The following ADAMTSL2 variants were observed in gnomAD, a reference collection of about 807,000 sequenced individuals.
ADAMTSL2 encodes the protein ADAMTS-like protein 2.
In ADAMTSL2, 55 loss-of-function variants were observed where a neutral mutation model predicts 117.0. The ratio of observed to expected loss-of-function variants is 0.47; its 90% CI spans 0.38 to 0.59. ADAMTSL2 has a LOEUF of 0.59. Ranked by LOEUF, ADAMTSL2 falls within the 20% of genes least tolerant of loss-of-function variation. The probability of loss-of-function intolerance (pLI) is 0.00; values close to 1 mark genes in which losing one functional copy is unlikely to be tolerated. For synonymous variants in ADAMTSL2, 572 were observed against 566.4 expected (o/e 1.01, Z -0.14); for missense variants, 1,182 against 1,354.5 (o/e 0.87, Z 2.00).
Position 133,554,592 on chromosome 9 carries a change from A to C in ADAMTSL2, c.1175A>C (p.Asp392Ala). ...CGGCTGTTCGGCCACCCGGGCCTGGACATGGAGCTGGGCCCCAGCCAGGGC... is the reference window on the plus strand; with the variant it reads ...CGGCTGTTCGGCCACCCGGGCCTGGCCATGGAGCTGGGCCCCAGCCAGGGC... Reference protein sequence around the residue: ...DNRLFGHPGLDMELGPSQGQE... With the variant: ...DNRLFGHPGLAMELGPSQGQE... Residue 392 changes from aspartate to alanine, a missense_variant, in exon 10 of 19, where the codon GAC becomes GCC. By Grantham distance (126) the Asp-to-Ala change is moderately radical (BLOSUM62 -2). Transcript: ENST00000651351. This position sits in a 1 kb window ranked among gnomAD's most constrained non-coding sequence, Gnocchi z 5.2. The C allele has an allele frequency of 6.5e-7, 1 of 1,548,740 alleles. No homozygotes were observed. The highest frequency in any genetic ancestry group is 1.4e-5 in the African/African-American group (1 of 73,490).
At chr9:133,547,858 G>A (rs10117727) in intron 9 of ADAMTSL2, among the ~76,000 whole-genome samples, 128,166 of 151,848 alleles carry the variant, frequency 0.84, 54,865 homozygotes, top group Non-Finnish European at 0.92. Context: ...CCGAGCAGTG[G>A]GCAGGAGGGA....
chr9:133,563,859 G>A (rs1205117366), intron 12 of ADAMTSL2, among the ~76,000 whole-genome samples: 4 of 77,694 alleles, frequency 5.1e-5, no homozygotes, highest in Non-Finnish European at 5.5e-5. Flanking sequence ...GAGAGAGAGA[G>A]AGAGGGAGAG....
intron 4 of ADAMTSL2, 102 bp from the exon 5 acceptor site, chr9:133,539,669 T>TCCCGGCTGG: frequency 1.7e-6 from 2 of 1,199,732 alleles, no homozygotes; most frequent in Admixed American, 2.0e-5. Flanking sequence ...GTCCCGGCTG[T>TCCCGGCTGG]CCCGGCTGTC....
chr9:133,532,405 C>T (rs1356701907), upstream of ADAMTSL2: 2 of 152,210 alleles, frequency 1.3e-5, no homozygotes, highest in African/African-American at 4.8e-5. Context: ...CCATGTTGGC[C>T]ATGCTGGTCT....
At chr9:133,564,643 A>G (rs1197568032) in intron 12 of ADAMTSL2, among the ~76,000 whole-genome samples, 1 of 83,174 alleles carries the variant, frequency 1.2e-5, no homozygotes, top group Non-Finnish European at 2.5e-5. Flanking sequence ...AGAGAGAGGG[A>G]GAGAGGGAGA....
intron 17 of ADAMTSL2, among the ~76,000 whole-genome samples, chr9:133,573,536 C>T (rs2131191531): frequency 6.6e-6 from 1 of 152,208 alleles, no homozygotes; most frequent in East Asian, 1.9e-4. Flanking sequence ...TGCCTGGACC[C>T]CCTGGGAAAT....
At position 133,558,772 on chromosome 9, in the gene ADAMTSL2, G is replaced by T. The variant is rs896136839; in HGVS notation, c.1650-2426G>T. ...TTCCTTCCAGATGGAGGAGAGCGAC[G>T]GTTTGGTGCTTCAGCGATTTCCTTG... On this transcript the variant is annotated intron_variant, in intron 11 of 18. Coordinates refer to ENST00000651351, the MANE Select transcript of ADAMTSL2 (RefSeq NM_014694.4). The surrounding 1 kb of genome is among the most constrained non-coding windows in gnomAD (Gnocchi z 4.3). Among the ~76,000 whole-genome samples, 1 of 152,208 alleles carries T rather than the reference G, an allele frequency of 6.6e-6. No homozygotes were observed. The highest frequency in any genetic ancestry group is 2.1e-4 in the South Asian group (1 of 4,834).
Position 133,558,299 on chromosome 9 carries a change from C to T in ADAMTSL2, c.1649+2369C>T, listed in dbSNP as rs766753528. On this transcript the variant is annotated intron_variant, in intron 11 of 18. Coordinates refer to ENST00000651351, the MANE Select transcript of ADAMTSL2 (RefSeq NM_014694.4). This position sits in a 1 kb window ranked among gnomAD's most constrained non-coding sequence, Gnocchi z 4.3. ...TGGAGAGATAAAGGGCAGAGGGAGG[C>T]GGCGGGGGAAACCACCAGGCCAAAA... 0.013 allele frequency among the ~76,000 whole-genome samples: 2,015 copies of T among 152,260 alleles called. 26 individuals are homozygous for T. The highest frequency in any genetic ancestry group is 0.019 in the Non-Finnish European group (1,261 of 68,030).
chr9:133,551,915 C>T (rs984423645), intron 9 of ADAMTSL2, among the ~76,000 whole-genome samples: 5 of 151,438 alleles, frequency 3.3e-5, no homozygotes. Context: ...CTGCAACCTC[C>T]GCCTCCTAGG....
chr9:133,555,017 C>T (rs1364084584), intron 10 of ADAMTSL2, among the ~76,000 whole-genome samples: 1 of 151,996 alleles, frequency 6.6e-6, no homozygotes, highest in African/African-American at 2.4e-5. Context: ...TGATCTCTCG[C>T]TCACCCCATC....
intron 5 of ADAMTSL2, among the ~76,000 whole-genome samples, chr9:133,540,347 A>T (rs552262485): frequency 6.6e-5 from 10 of 152,290 alleles, no homozygotes; most frequent in Admixed American, 5.9e-4. Context: ...CAGAGGGGGA[A>T]CCCCAGTATG....
chr9:133,549,007 T>C (rs1294038387), intron 9 of ADAMTSL2, among the ~76,000 whole-genome samples: 1 of 4,800 alleles, frequency 2.1e-4, no homozygotes, highest in East Asian at 8.3e-4. Context: ...TTTTTTTTTT[T>C]TTTTTTTTTT....
At chr9:133,546,986 C>T in intron 8 of ADAMTSL2, 52 bp from the exon 9 acceptor site, 1 of 1,591,518 alleles carries the variant, frequency 6.3e-7, no homozygotes, top group Non-Finnish European at 8.6e-7. Context: ...GTGACACTGG[C>T]TCCTCCCCCA....
At chr9:133,562,752 C>T (rs1371770971) in intron 12 of ADAMTSL2, among the ~76,000 whole-genome samples, 2 of 133,920 alleles carry the variant, frequency 1.5e-5, no homozygotes, top group Non-Finnish European at 3.2e-5. Context: ...TGGTGGGCAC[C>T]GGCTTGGCCA....
chr9:133,540,292 C>T (rs1830184532), intron 5 of ADAMTSL2, among the ~76,000 whole-genome samples: 2 of 152,206 alleles, frequency 1.3e-5, no homozygotes, highest in South Asian at 4.1e-4. Context: ...GCTGGGGTGC[C>T]CAGGGCCAGC....
chr9:133,561,958 C>T (rs955393015), intron 12 of ADAMTSL2, among the ~76,000 whole-genome samples: 22 of 152,322 alleles, frequency 1.4e-4, no homozygotes, highest in African/African-American at 5.3e-4. Flanking sequence ...ATGTCAAACC[C>T]AGGATCAGGA....
intron 3 of ADAMTSL2, 61 bp downstream of exon 3, chr9:133,537,608 AG>A: frequency 7.6e-7 from 1 of 1,308,368 alleles, no homozygotes; most frequent in South Asian, 2.9e-5. Flanking sequence ...CGGGCAGGAG[AG>A]GGCGGTTGGC....
chr9:133,572,587 G>T (rs1831133146), intron 17 of ADAMTSL2, among the ~76,000 whole-genome samples: 1 of 152,154 alleles, frequency 6.6e-6, no homozygotes, highest in African/African-American at 2.4e-5. Flanking sequence ...GACCCACTAG[G>T]TGCAGGTACC....
intron 9 of ADAMTSL2, among the ~76,000 whole-genome samples, chr9:133,551,884 C>A (rs575876465): frequency 1.4e-5 from 2 of 144,758 alleles, no homozygotes; most frequent in African/African-American, 5.3e-5. Flanking sequence ...GGCTGGAGTG[C>A]AGTGGCACAG....
Sources: gnomAD v4.1 joint callset for allele counts (sites outside exome capture counted in the v4.1 genomes callset) on GRCh38, gnomAD v4.1.1 for gene constraint, Gnocchi (gnomAD v3.1) non-coding constraint, MANE v1.5 for transcripts, NCBI Gene and HGNC (gene_info 2026-07-23, HGNC 2026-07-21) for gene names.